The following TMEM63C variants were observed in gnomAD, a reference collection of about 807,000 sequenced individuals.
TMEM63C encodes the protein osmosensitive cation channel TMEM63C.
In TMEM63C, 32 loss-of-function variants were observed where a neutral mutation model predicts 99.2. The ratio of observed to expected loss-of-function variants is 0.32; its 90% CI spans 0.24 to 0.43. The LOEUF (loss-of-function observed/expected upper bound fraction) is 0.43, where lower values mean the gene tolerates loss of function less well. Among genes scored for constraint, TMEM63C ranks in the 20% least tolerant of loss-of-function variants. TMEM63C has a pLI of 1.00. For synonymous variants in TMEM63C, 376 were observed against 397.9 expected (o/e 0.94, Z 0.66); for missense variants, 826 against 1,053.0 (o/e 0.78, Z 2.98).
chr14:77,247,606 G>A (rs1041508722), intron 18 of TMEM63C, among the ~76,000 whole-genome samples: 1 of 152,148 alleles, frequency 6.6e-6, no homozygotes. Flanking sequence ...TTAAACTAGG[G>A]GGGATCATTG....
intron 1 of TMEM63C, among the ~76,000 whole-genome samples, chr14:77,197,432 G>A (rs1888231684): frequency 6.6e-6 from 1 of 152,220 alleles, no homozygotes; most frequent in African/African-American, 2.4e-5. Context: ...AGGCAGCAGT[G>A]GAGCCAGATG....
At chr14:77,224,161 G>A (rs1329672041) in intron 5 of TMEM63C, among the ~76,000 whole-genome samples, 1 of 151,998 alleles carries the variant, frequency 6.6e-6, no homozygotes, top group Non-Finnish European at 1.5e-5. Flanking sequence ...CCCAACACAG[G>A]GAAGGGGACT....
chr14:77,233,459 C>A lies in TMEM63C; in HGVS notation c.501C>A (p.Ser167Arg). Residue 167 changes from serine (S) to arginine (R), a missense_variant, in exon 8 of 24, where the codon AGC becomes AGA. Physicochemically the swap from Ser to Arg is moderately radical, Grantham distance 110. Coordinates refer to ENST00000298351, the MANE Select transcript of TMEM63C (RefSeq NM_020431.4). ...INYTGSVLDW[S>R]SHFARTTIVN... is the part of the protein sequence containing the mutation. ...AACTTCTTTCTCTTTCAGACTGGAG[C>A]AGTCACTTTGCTCGGACCACCATTG... 2 of 1,613,436 alleles carry A rather than the reference C, an allele frequency of 1.2e-6. No homozygotes were observed. The highest frequency in any genetic ancestry group is 1.7e-6 in the Non-Finnish European group (2 of 1,179,740).
intron 1 of TMEM63C, among the ~76,000 whole-genome samples, chr14:77,198,842 G>A (rs1359976179): frequency 1.3e-5 from 2 of 152,190 alleles, no homozygotes; most frequent in African/African-American, 2.4e-5. Context: ...GAAGCCAGCA[G>A]TAAAGGGACA....
intron 10 of TMEM63C, 57 bp from the exon 11 acceptor site, chr14:77,239,355 G>A (rs1444784418): frequency 6.3e-7 from 1 of 1,579,478 alleles, no homozygotes; most frequent in African/African-American, 1.3e-5. Flanking sequence ...GCAGGGGGTA[G>A]GGGCAGCACA....
At chr14:77,233,399 C>T (rs1466542792) in intron 7 of TMEM63C, 53 bp from the exon 8 acceptor site, 27 of 1,590,436 alleles carry the variant, frequency 1.7e-5, no homozygotes, top group Non-Finnish European at 2.1e-5. Context: ...AATTCTGGCG[C>T]CCCCAGCAAC....
At chr14:77,219,069 C>A in intron 3 of TMEM63C, 106 bp downstream of exon 3, 1 of 1,266,300 alleles carries the variant, frequency 7.9e-7, no homozygotes, top group Non-Finnish European at 1.0e-6. Flanking sequence ...ACAACAACAA[C>A]ATTGATACAA....
intron 1 of TMEM63C, among the ~76,000 whole-genome samples, chr14:77,211,808 G>A (rs1204717081): frequency 1.3e-5 from 2 of 152,124 alleles, no homozygotes; most frequent in Non-Finnish European, 2.9e-5. Flanking sequence ...ACAGGAAGAG[G>A]GCCACACACT....
intron 6 of TMEM63C, 47 bp from the exon 7 acceptor site, chr14:77,231,541 G>C: frequency 6.5e-7 from 1 of 1,548,172 alleles, no homozygotes; most frequent in African/African-American, 1.4e-5. Flanking sequence ...ACAAGTGGTG[G>C]CCACGCTGGC....
intron 5 of TMEM63C, among the ~76,000 whole-genome samples, chr14:77,223,650 T>C (rs1183058494): frequency 1.3e-5 from 2 of 152,030 alleles, no homozygotes; most frequent in Non-Finnish European, 2.9e-5. Flanking sequence ...TGTGTGTGTA[T>C]GTGTGTGCAC....
Position 77,218,900 on chromosome 14 carries a change from C to A in TMEM63C, c.87C>A (p.Val29=). The A allele has an allele frequency of 3.1e-6, 5 of 1,612,504 alleles. No homozygotes were observed. The highest frequency in any genetic ancestry group is 4.2e-6 in the Non-Finnish European group (5 of 1,179,318). ...VDECFQSRNT[V]LQGQPFGGVP... ...AATGCTTCCAGTCTCGGAACACCGT[C>A]CTCCAGGGGCAGCCCTTTGGGGGTG... The change falls in exon 3 of 24, where the codon GTC becomes GTA. Residue 29 remains valine, a synonymous_variant. Transcript: ENST00000298351.
intron 6 of TMEM63C, among the ~76,000 whole-genome samples, chr14:77,230,722 GC>G (rs35060337): frequency 2.2e-4 from 33 of 151,764 alleles, no homozygotes; most frequent in African/African-American, 6.8e-4. Context: ...AAAATTATCT[GC>G]CCCCCCACCA....
chr14:77,214,281 G>A (rs454840), intron 2 of TMEM63C, among the ~76,000 whole-genome samples: 112,172 of 152,084 alleles, frequency 0.74, 42,191 homozygotes, highest in East Asian at 0.91. Flanking sequence ...TTACAGAGGA[G>A]TAAAGTGAGG....
intron 6 of TMEM63C, among the ~76,000 whole-genome samples, chr14:77,230,052 A>C (rs1456339753): frequency 6.6e-6 from 1 of 151,978 alleles, no homozygotes; most frequent in Admixed American, 6.6e-5. Context: ...AATACAAAAA[A>C]TTAGCTGGGC....
At position 77,236,631 on chromosome 14, in the gene TMEM63C, C is replaced by T; in HGVS notation, c.550C>T (p.Leu184Phe). Residue 184 changes from leucine (L) to phenylalanine (F), a missense_variant, in exon 9 of 24, where the codon CTC becomes TTC. Coordinates refer to ENST00000298351, the MANE Select transcript of TMEM63C (RefSeq NM_020431.4). ...TIVNVSTESK[L>F]LWLHSLLSFF... ...CTGCCTCCCTCCCTGCAGGAGCAAG[C>T]TCCTGTGGCTGCATAGCCTGCTGTC... The T allele has an allele frequency of 6.2e-7, 1 of 1,611,914 alleles. No homozygotes were observed. Among genetic ancestry groups the T allele is most frequent in the Non-Finnish European group, 8.5e-7 (1 of 1,178,812 alleles).
intron 1 of TMEM63C, among the ~76,000 whole-genome samples, chr14:77,183,729 C>T (rs1393920376): frequency 6.6e-6 from 1 of 152,206 alleles, no homozygotes; most frequent in African/African-American, 2.4e-5. Context: ...ACGCTGGCCC[C>T]TGCTGGCTTC....
intron 5 of TMEM63C, 125 bp downstream of exon 5, chr14:77,220,212 C>T: frequency 1.1e-6 from 1 of 894,934 alleles, no homozygotes; most frequent in Non-Finnish European, 1.7e-6. Flanking sequence ...ACCACTCTGG[C>T]AGTGTGACCT....
chr14:77,247,067 G>C (rs1019994572), intron 18 of TMEM63C, among the ~76,000 whole-genome samples: 1 of 152,138 alleles, frequency 6.6e-6, no homozygotes, highest in Non-Finnish European at 1.5e-5. Context: ...CCAGTTTTAC[G>C]TGTACTCTGA....
rs1174376340 is a variant in TMEM63C, at chr14:77,258,787, C to T, written c.*2061C>T. The T allele has an allele frequency of 6.6e-6, 1 of 152,670 alleles. No homozygotes were observed. Among genetic ancestry groups the T allele is most frequent in the East Asian group, 1.9e-4 (1 of 5,210 alleles). The allele number at this position is 152,670 out of a possible 1,614,324, so 9.5% of individuals were successfully genotyped here. Reference sequence around the variant, plus strand: ...CTTTGCTGGACACAGCTCCCTGGCCCCTGCCCCCAGCCCCTGCAGCCCCTG... The same window carrying T: ...CTTTGCTGGACACAGCTCCCTGGCCTCTGCCCCCAGCCCCTGCAGCCCCTG... On this transcript the variant is annotated 3_prime_UTR_variant, in exon 24 of 24. Coordinates refer to ENST00000298351, the MANE Select transcript of TMEM63C (RefSeq NM_020431.4).
Sources: allele counts gnomAD v4.1 joint callset (sites outside exome capture counted in the v4.1 genomes callset), GRCh38; gene constraint gnomAD v4.1.1; transcripts MANE v1.5; gene names NCBI Gene and HGNC (gene_info 2026-07-23, HGNC 2026-07-21).